The following LDLRAD4 variants were observed in gnomAD, a reference collection of about 807,000 sequenced individuals.
The protein encoded by LDLRAD4 is low density lipoprotein receptor class A domain containing 4.
LDLRAD4 carries 5 observed loss-of-function variants against 17.0 expected under a neutral mutation model. The ratio of observed to expected loss-of-function variants is 0.29; its 90% confidence interval spans 0.15 to 0.62. LDLRAD4 has a LOEUF of 0.62. Among genes scored for constraint, LDLRAD4 ranks in the 20% least tolerant of loss-of-function variants. The probability of loss-of-function intolerance (pLI) is 0.84; values close to 1 mark genes in which losing one functional copy is unlikely to be tolerated. For synonymous variants in LDLRAD4, 168 were observed against 171.8 expected (o/e 0.98, Z 0.17); for missense variants, 340 against 424.7 (o/e 0.80, Z 1.75).
chr18:13,440,289 C>T lies in LDLRAD4; in HGVS notation c.181+1905C>T, dbSNP rs2090941652. 6.6e-6 allele frequency among the ~76,000 whole-genome samples: 1 copy of T among 152,182 alleles called. No individual in the cohort carries two copies. Among genetic ancestry groups the T allele is most frequent in the South Asian group, 2.1e-4 (1 of 4,824 alleles). On this transcript the variant is annotated intron_variant, in intron 3 of 5. Coordinates refer to ENST00000359446, the Ensembl canonical transcript of LDLRAD4. This position sits in a 1 kb window ranked among gnomAD's most constrained non-coding sequence, Gnocchi z 4.4. ...CTACCCTTCCCTCCTCCCTCGCTCC[C>T]TTTCTTGTCAGTATTCTTTCCGGTT...
chr18:13,250,835 TTCCAAATAAATTGTATCA>T (rs112501032), intron 1 of LDLRAD4, among the ~76,000 whole-genome samples: 3 of 152,346 alleles, frequency 2.0e-5, no homozygotes, highest in African/African-American at 7.2e-5. Context: ...TCTCAAACTA[TTCCAAATAAATTGTATCA>T]GAGATAATTC....
chr18:13,281,391 A>G (rs1407994629), intron 1 of LDLRAD4, among the ~76,000 whole-genome samples: 3 of 152,128 alleles, frequency 2.0e-5, no homozygotes, highest in Admixed American at 6.5e-5. Flanking sequence ...CCTGTCTCCA[A>G]TCTCGCCCTC....
chr18:13,309,093 T>C (rs2047079226), intron 1 of LDLRAD4, among the ~76,000 whole-genome samples: 1 of 152,244 alleles, frequency 6.6e-6, no homozygotes, highest in Non-Finnish European at 1.5e-5. Context: ...TCACCAAAGA[T>C]GAAAAACTAA....
At chr18:13,634,160 T>G (rs2041897664) in intron 4 of LDLRAD4, among the ~76,000 whole-genome samples, 1 of 152,246 alleles carries the variant, frequency 6.6e-6, no homozygotes, top group South Asian at 2.1e-4. Context: ...AAGACAAGGA[T>G]GCCTGCTTTC....
At chr18:13,305,893 A>G (rs989751594) in intron 1 of LDLRAD4, among the ~76,000 whole-genome samples, 3 of 152,220 alleles carry the variant, frequency 2.0e-5, no homozygotes. Flanking sequence ...TCACCTATAG[A>G]CTCTAATAAG....
At chr18:13,402,019 G>A (rs1042161875) in intron 2 of LDLRAD4, among the ~76,000 whole-genome samples, 2 of 152,176 alleles carry the variant, frequency 1.3e-5, no homozygotes, top group African/African-American at 2.4e-5. Flanking sequence ...CAGTGGTGGC[G>A]CTTTGCCAAA....
At chr18:13,273,647 C>T (rs191080340), upstream of LDLRAD4, among the ~76,000 whole-genome samples, 1 of 152,264 alleles carries the variant, frequency 6.6e-6, no homozygotes, top group Non-Finnish European at 1.5e-5. Context: ...TGGAGTGAGT[C>T]CTGCTCCCCA....
chr18:13,552,974 T>C (rs1460707224), intron 3 of LDLRAD4, among the ~76,000 whole-genome samples: 1 of 152,238 alleles, frequency 6.6e-6, no homozygotes, highest in Non-Finnish European at 1.5e-5. Flanking sequence ...TCCTTTATGA[T>C]GTTGCTCATT....
chr18:13,288,642 A>G (rs1175365861), intron 1 of LDLRAD4, among the ~76,000 whole-genome samples: 1 of 151,488 alleles, frequency 6.6e-6, no homozygotes, highest in African/African-American at 2.4e-5. Flanking sequence ...GTCACTCTGC[A>G]AGGTGAGTCA....
intron 3 of LDLRAD4, among the ~76,000 whole-genome samples, chr18:13,453,194 A>C (rs1005970622): frequency 6.6e-6 from 1 of 152,130 alleles, no homozygotes; most frequent in African/African-American, 2.4e-5. Context: ...TTTGTTTTGC[A>C]TTGCTCCTGG....
At chr18:13,501,472 A>G (rs2093613014) in intron 3 of LDLRAD4, among the ~76,000 whole-genome samples, 1 of 152,106 alleles carries the variant, frequency 6.6e-6, no homozygotes, top group Non-Finnish European at 1.5e-5. Context: ...CCCAGGGAAC[A>G]CAGTTTCCTT....
intron 1 of LDLRAD4, among the ~76,000 whole-genome samples, chr18:13,339,542 C>T (rs570399934): frequency 6.6e-6 from 1 of 152,092 alleles, no homozygotes; most frequent in African/African-American, 2.4e-5. Context: ...TATGTAAAGA[C>T]AAAAAGTTAG....
At chr18:13,276,435 T>C (rs960735707), upstream of LDLRAD4, among the ~76,000 whole-genome samples, 2 of 152,256 alleles carry the variant, frequency 1.3e-5, no homozygotes, top group African/African-American at 4.8e-5. Context: ...CATGGCTTAG[T>C]TGGTTCTCTG....
intron 1 of LDLRAD4, among the ~76,000 whole-genome samples, chr18:13,342,260 G>GA (rs907478698): frequency 7.9e-5 from 12 of 152,080 alleles, no homozygotes; most frequent in African/African-American, 2.9e-4. Context: ...CAATAAGTTA[G>GA]AAAACGTTCC....
intron 3 of LDLRAD4, among the ~76,000 whole-genome samples, chr18:13,509,956 A>G (rs1158943112): frequency 2.0e-5 from 3 of 152,212 alleles, no homozygotes; most frequent in African/African-American, 7.2e-5. Context: ...TAAGGTATGT[A>G]CCTTTTTTAG....
intron 2 of LDLRAD4, among the ~76,000 whole-genome samples, chr18:13,389,020 G>A (rs376305613): frequency 1.3e-5 from 2 of 152,200 alleles, no homozygotes; most frequent in Non-Finnish European, 2.9e-5. Flanking sequence ...GATGAGCTCC[G>A]CAGCTGTGTA....
intron 1 of LDLRAD4, among the ~76,000 whole-genome samples, chr18:13,349,301 A>C (rs992049995): frequency 2.6e-5 from 4 of 152,220 alleles, no homozygotes; most frequent in African/African-American, 9.6e-5. Flanking sequence ...CCTACTATGT[A>C]TTATTGTTGT....
intron 1 of LDLRAD4, among the ~76,000 whole-genome samples, chr18:13,335,756 G>A (rs2082073873): frequency 6.6e-6 from 1 of 152,206 alleles, no homozygotes; most frequent in African/African-American, 2.4e-5. Context: ...ATTTGCTTAA[G>A]TATTTTAAGT....
chr18:13,432,089 C>T (rs988863219), intron 2 of LDLRAD4, among the ~76,000 whole-genome samples: 5 of 152,208 alleles, frequency 3.3e-5, no homozygotes, highest in Non-Finnish European at 7.3e-5. Context: ...CACGCCGGTG[C>T]AGTCTCGCAG....
Sources: gnomAD v4.1 joint callset for allele counts (sites outside exome capture counted in the v4.1 genomes callset) on GRCh38, gnomAD v4.1.1 for gene constraint, Gnocchi (gnomAD v3.1) non-coding constraint, MANE v1.5 for transcripts, NCBI Gene and HGNC (gene_info 2026-07-23, HGNC 2026-07-21) for gene names.